ELAVL4: variants seen among roughly 807,000 people sequenced by gnomAD.
ELAVL4 encodes ELAV-like protein 4.
In ELAVL4, 1 loss-of-function variant was observed where a neutral mutation model predicts 35.6. The ratio of observed to expected loss-of-function variants is 0.03; its 90% CI spans 0.01 to 0.13. The LOEUF (loss-of-function observed/expected upper bound fraction) is 0.13, where lower values mean the gene tolerates loss of function less well. Ranked by LOEUF, ELAVL4 falls within the 10% of genes least tolerant of loss-of-function variation. ELAVL4 has a pLI of 1.00. For missense variants in ELAVL4, 267 were observed against 464.9 expected (o/e 0.57, Z 3.91); for synonymous variants, 156 against 171.0 (o/e 0.91, Z 0.69).
chr1:50,100,809 A>G (rs1412184692), upstream of ELAVL4, among the ~76,000 whole-genome samples: 2 of 152,190 alleles, frequency 1.3e-5, no homozygotes, highest in African/African-American at 2.4e-5. Flanking sequence ...ACTGGAACAG[A>G]CCATTCAGCC....
At chr1:50,107,213 A>G (rs781642215), upstream of ELAVL4, among the ~76,000 whole-genome samples, 3 of 152,322 alleles carry the variant, frequency 2.0e-5, 1 homozygote, top group Middle Eastern at 6.8e-3. Context: ...CTGTAGTACT[A>G]TTGTGACTCA....
At chr1:50,199,928 GAGA>G (rs977985319) in intron 6 of ELAVL4, among the ~76,000 whole-genome samples, 19 of 152,118 alleles carry the variant, frequency 1.2e-4, no homozygotes, top group African/African-American at 4.6e-4. Flanking sequence ...CACAAAAACT[GAGA>G]AGATTTCTAA....
At chr1:50,069,667 T>C (rs1190465625) in intron 1 of ELAVL4, among the ~76,000 whole-genome samples, 3 of 152,166 alleles carry the variant, frequency 2.0e-5, no homozygotes, top group South Asian at 2.1e-4. Flanking sequence ...ACGTCTGGGG[T>C]TTATCTCTGT....
rs780981115 is a variant in ELAVL4 at position 50,162,377 on chromosome 1, AG to A, written c.251-14709del. Among the ~76,000 whole-genome samples, 4 of 152,286 alleles carry A rather than the reference AG, an allele frequency of 2.6e-5. No homozygotes were observed. In the East Asian group the frequency reaches 7.7e-4, roughly 29 times the overall value. The stretch of plus-strand genomic sequence containing the variant: ...TCACGCGCCCGCCCTTAAGGAACTT[AG>A]GGTCTATTGAGAAATACATTCAGTT... On this transcript the variant is annotated intron_variant, in intron 2 of 6. Transcript: ENST00000371824.
chr1:50,155,533 G>A (rs965437901), intron 2 of ELAVL4, among the ~76,000 whole-genome samples: 88 of 152,222 alleles, frequency 5.8e-4, no homozygotes, highest in African/African-American at 2.0e-3. Context: ...CAGAGAAGCT[G>A]CCTGAGTGGA....
chr1:50,190,923 A>G (rs573562374), intron 3 of ELAVL4, among the ~76,000 whole-genome samples: 29 of 151,800 alleles, frequency 1.9e-4, no homozygotes, highest in African/African-American at 7.0e-4. Context: ...CCATTACCTG[A>G]CTCCACCACC....
intron 2 of ELAVL4, among the ~76,000 whole-genome samples, chr1:50,156,206 C>G (rs900995985): frequency 2.0e-5 from 3 of 152,238 alleles, no homozygotes; most frequent in Non-Finnish European, 4.4e-5. Flanking sequence ...GCCTTCCCCA[C>G]CCCATACTTG....
chr1:50,161,663 A>G lies in ELAVL4; in HGVS notation c.251-15426A>G, dbSNP rs985866055. ...TGGAGCAATTTATTTTATATAACAA[A>G]CCAAAAGGGTGGGGGAGTGGAAGAC... On this transcript the variant is annotated intron_variant, in intron 2 of 6. Coordinates refer to ENST00000371824, the MANE Select transcript of ELAVL4 (RefSeq NM_001144774.3). 4.4e-4 allele frequency among the ~76,000 whole-genome samples: 67 copies of G among 152,332 alleles called. 1 individual carries two copies. Among genetic ancestry groups the G allele is most frequent in the African/African-American group, 1.5e-3 (64 of 41,574 alleles).
intron 2 of ELAVL4, among the ~76,000 whole-genome samples, chr1:50,160,258 G>A (rs1417298723): frequency 6.6e-6 from 1 of 152,098 alleles, no homozygotes; most frequent in Non-Finnish European, 1.5e-5. Context: ...CAAGAATCCC[G>A]AGCTTTTTAG....
In ELAVL4 at chr1:50,133,651, G is replaced by GAGAA. The variant is rs1199135172; in HGVS notation, c.10-11285_10-11282dup. ...AGAAAGAAAGAAAGAAAGAAAGAAA[G>GAGAA]AGAAAGAAAGAAAGAAAGAAAGAAG... On this transcript the variant is annotated intron_variant, in intron 1 of 6. Coordinates refer to ENST00000371824, the MANE Select transcript of ELAVL4 (RefSeq NM_001144774.3). Among the ~76,000 whole-genome samples, 763 of 91,846 alleles carry GAGAA rather than the reference G, an allele frequency of 8.3e-3. 11 individuals carry two copies. The highest frequency in any genetic ancestry group is 0.026 in the African/African-American group (708 of 27,236). The allele number at this position is 91,846 out of a possible 152,430, so 60.3% of individuals were successfully genotyped here.
At chr1:50,144,491 T>C (rs1367550639) in intron 1 of ELAVL4, 1 of 450,420 alleles carries the variant, frequency 2.2e-6, no homozygotes, top group Non-Finnish European at 4.4e-6. Context: ...CCCCACTTAA[T>C]TTAATGTCAT....
Position 50,116,474 on chromosome 1 carries a change from C to T in ELAVL4, c.9+7276C>T, listed in dbSNP as rs954005847. ...TAGACAGCTGGGAGCCCCGGTGTGCCGTGGGATGTGCCAATAATGGCTTCT... is the reference window on the plus strand; with the variant it reads ...TAGACAGCTGGGAGCCCCGGTGTGCTGTGGGATGTGCCAATAATGGCTTCT... On this transcript the variant is annotated intron_variant, in intron 1 of 6. Transcript: ENST00000371824. Among the ~76,000 whole-genome samples the T allele has an allele frequency of 2.6e-5, 4 of 151,274 alleles. No homozygotes were observed. In the South Asian group the frequency reaches 6.3e-4, roughly 24 times the overall value.
chr1:50,089,685 G>T (rs1232453735), intron 1 of ELAVL4, among the ~76,000 whole-genome samples: 1 of 152,214 alleles, frequency 6.6e-6, no homozygotes, highest in Non-Finnish European at 1.5e-5. Flanking sequence ...AGTCCAGGAG[G>T]TTGAGGCTGC....
intron 1 of ELAVL4, among the ~76,000 whole-genome samples, chr1:50,073,280 C>T (rs1014800797): frequency 6.6e-6 from 1 of 152,096 alleles, no homozygotes; most frequent in African/African-American, 2.4e-5. Flanking sequence ...TGGCCATTTT[C>T]CCTCTTCTGT....
intron 1 of ELAVL4, among the ~76,000 whole-genome samples, chr1:50,112,999 A>G (rs747747783): frequency 5.9e-5 from 9 of 152,136 alleles, no homozygotes; most frequent in Admixed American, 2.6e-4. Flanking sequence ...TTCTAAACTT[A>G]GTCTTGAAAT....
intron 2 of ELAVL4, among the ~76,000 whole-genome samples, chr1:50,149,484 A>AT (rs781303510): frequency 1.3e-3 from 199 of 151,886 alleles, no homozygotes; most frequent in Non-Finnish European, 2.5e-3. Flanking sequence ...CATCACAGTG[A>AT]TAAAAAAAAG....
chr1:50,097,851 G>T (rs1050769577), intron 1 of ELAVL4, among the ~76,000 whole-genome samples: 1 of 152,136 alleles, frequency 6.6e-6, no homozygotes, highest in East Asian at 1.9e-4. Flanking sequence ...TAATAGTGAA[G>T]ATATCCATTA....
intron 2 of ELAVL4, among the ~76,000 whole-genome samples, chr1:50,149,478 A>G (rs555108448): frequency 1.6e-4 from 24 of 151,908 alleles, no homozygotes; most frequent in Middle Eastern, 3.4e-3. Context: ...TATTTGCATC[A>G]CAGTGATAAA....
At chr1:50,050,909 C>A (rs1411960591) in intron 1 of ELAVL4, among the ~76,000 whole-genome samples, 1 of 152,054 alleles carries the variant, frequency 6.6e-6, no homozygotes, top group Non-Finnish European at 1.5e-5. Context: ...CAGTACCAGG[C>A]ACATGGTAAA....
Sources: allele counts gnomAD v4.1 joint callset (sites outside exome capture counted in the v4.1 genomes callset), GRCh38; gene constraint gnomAD v4.1.1; transcripts MANE v1.5; gene names NCBI Gene and HGNC (gene_info 2026-07-23, HGNC 2026-07-21).